The following ELOA2 variants were observed in gnomAD, a reference collection of about 807,000 sequenced individuals.
The protein encoded by ELOA2 is elongin-A2.
For missense variants in ELOA2, 1,271 were observed against 979.7 expected, an observed-to-expected ratio of 1.30 and a Z score of -3.97; for synonymous variants, 497 against 398.8, an observed-to-expected ratio of 1.25 and a Z score of -2.94.
rs904225605 is a variant in ELOA2, at chr18:47,032,824, T to C, written c.*179A>G. On this transcript the variant is annotated 3_prime_UTR_variant, in exon 1 of 1. Coordinates refer to ENST00000332567, the MANE Select transcript of ELOA2 (RefSeq NM_016427.3). ...AGGTGTTCTCCAAGCTGGGAGGTAGTGGCTGGGTGTGGGAGGCAAAATCAC... is the reference window on the plus strand; with the variant it reads ...AGGTGTTCTCCAAGCTGGGAGGTAGCGGCTGGGTGTGGGAGGCAAAATCAC... 8.7e-7 allele frequency: 1 copy of C among 1,154,594 alleles called. No individual in the cohort carries two copies. Among genetic ancestry groups the C allele is most frequent in the South Asian group, 1.6e-5 (1 of 64,202 alleles). 71.5% of individuals were successfully genotyped at this position (1,154,594 alleles called of 1,614,324 possible).
chr18:47,034,659 C>T lies in ELOA2; in HGVS notation c.606G>A (p.Gln202=). The change falls in exon 1 of 1, where the codon CAG becomes CAA. Residue 202 remains glutamine, a synonymous_variant. Transcript: ENST00000332567. ...QPGRGHTHAA[Q]GGPLLCPGCQ... is the part of the protein sequence containing the mutation. ...AGCCTGGACACAGCAGAGGCCCGCC[C>T]TGAGCCGCGTGAGTGTGGCCTCTTC... 1 of 1,613,768 alleles carries T rather than the reference C, an allele frequency of 6.2e-7. No individual in the cohort carries two copies. The highest frequency in any genetic ancestry group is 8.5e-7 in the Non-Finnish European group (1 of 1,179,948).
Position 47,034,944 on chromosome 18 carries a change from T to C in ELOA2, c.321A>G (p.Glu107=). The change falls in exon 1 of 1, where the codon GAA becomes GAG. Residue 107 remains glutamate (E), a synonymous_variant. Transcript: ENST00000332567. The stretch of plus-strand genomic sequence containing the variant: ...CGTTTTCTGGGAAGCCCCAGGCCTT[T>C]TCCTGGTCCTGAAGAGCCTCCCCGA... ...QRFGEALQDQ[E]KAWGFPENAT... is the part of the protein sequence containing the mutation. 6.2e-7 allele frequency: 1 copy of C among 1,611,828 alleles called. No homozygotes were observed. Among genetic ancestry groups the C allele is most frequent in the Non-Finnish European group, 8.5e-7 (1 of 1,179,756 alleles).
In ELOA2 at chr18:47,033,430, G is replaced by A. The variant is rs142997341; in HGVS notation, c.1835C>T (p.Pro612Leu). The A allele has an allele frequency of 1.9e-6, 3 of 1,614,046 alleles. No individual in the cohort carries two copies. Among genetic ancestry groups the A allele is most frequent in the South Asian group, 1.1e-5 (1 of 91,076 alleles). ...KTWREQYLRL[P>L]DAPEQRLRVM... ...TCTCAGCCGCTGCTCTGGGGCGTCC[G>A]GAAGCCGCAGGTACTGCTCCCTCCA... is the stretch of plus-strand genomic sequence containing the variant. Residue 612 changes from proline to leucine, a missense_variant, in exon 1 of 1, where the codon CCG (proline) becomes CTG (leucine). Transcript: ENST00000332567.
At chr18:47,033,843 G>C in the ELOA2 span, 1 of 1,614,126 alleles carries the variant, frequency 6.2e-7, no homozygotes, top group East Asian at 2.2e-5. Context: ...AAAGCGGATC[G>C]TAGTTGGCCT....
Position 47,032,959 on chromosome 18 carries a change from T to A in ELOA2, c.*44A>T. ...CCCCAACCCGCATTGACTTTGCCAATGCAAAAATCCCCCCAGATTTTATCT... is the reference window on the plus strand; with the variant it reads ...CCCCAACCCGCATTGACTTTGCCAAAGCAAAAATCCCCCCAGATTTTATCT... On this transcript the variant is annotated 3_prime_UTR_variant, in exon 1 of 1. Coordinates refer to ENST00000332567, the MANE Select transcript of ELOA2 (RefSeq NM_016427.3). The A allele has an allele frequency of 6.2e-7, 1 of 1,613,282 alleles. No homozygotes were observed. Among genetic ancestry groups the A allele is most frequent in the Non-Finnish European group, 8.5e-7 (1 of 1,179,928 alleles).
chr18:47,033,503 G>C lies in ELOA2; in HGVS notation c.1762C>G (p.His588Asp), dbSNP rs2060590911. 6.2e-7 allele frequency: 1 copy of C among 1,614,182 alleles called. No individual in the cohort carries two copies. The highest frequency in any genetic ancestry group is 1.6e-4 in the Middle Eastern group (1 of 6,062). Residue 588 changes from histidine (H) to aspartate (D), a missense_variant, in exon 1 of 1, where the codon CAT becomes GAT. By Grantham distance (81) the His-to-Asp change is moderately conservative. Coordinates refer to ENST00000332567, the MANE Select transcript of ELOA2 (RefSeq NM_016427.3). ...VRETDELRRN[H>D]CFQDFKEEKP... Reference sequence around the variant, plus strand: ...TCTTCCTTGAAGTCCTGGAAACAATGATTCCTCCGTAATTCGTCTGTCTCT... The same window carrying C: ...TCTTCCTTGAAGTCCTGGAAACAATCATTCCTCCGTAATTCGTCTGTCTCT...
rs963166141 is a variant in ELOA2 at position 47,034,973 on chromosome 18, G to A, written c.292C>T (p.Arg98Cys). ...QDPEESASRQ[R>C]FGEALQDQEK... is the part of the protein sequence containing the mutation. ...TGGTCCTGAAGAGCCTCCCCGAAGC[G>A]CTGTCGGGAAGCGCTCTCCTCAGGG... Residue 98 changes from arginine to cysteine, a missense_variant, in exon 1 of 1, where the codon CGC (arginine) becomes TGC (cysteine). Coordinates refer to ENST00000332567, the MANE Select transcript of ELOA2 (RefSeq NM_016427.3). 1.2e-6 allele frequency: 2 copies of A among 1,611,690 alleles called. No individual in the cohort carries two copies. The highest frequency in any genetic ancestry group is 1.7e-6 in the Non-Finnish European group (2 of 1,179,620).
rs1214237174 is a variant in ELOA2, at chr18:47,032,934, C to T, written c.*69G>A. On this transcript the variant is annotated 3_prime_UTR_variant, in exon 1 of 1. Coordinates refer to ENST00000332567, the MANE Select transcript of ELOA2 (RefSeq NM_016427.3). ...TCTGGTGTCCATTGGAAGTTTCGTT[C>T]CCCAACCCGCATTGACTTTGCCAAT... The T allele has an allele frequency of 7.4e-6, 12 of 1,611,020 alleles. No individual in the cohort carries two copies. Among genetic ancestry groups the T allele is most frequent in the South Asian group, 1.1e-5 (1 of 90,950 alleles).
Position 47,034,701 on chromosome 18 carries a change from C to A in ELOA2, c.564G>T (p.Ala188=). The change falls in exon 1 of 1, where the codon GCG becomes GCT. Residue 188 remains alanine (A), a synonymous_variant. Transcript: ENST00000332567. ...LRMPEGPEPA[A]PGKQPGRGHT... ...GGCCTCTTCCGGGTTGCTTCCCGGG[C>A]GCAGCGGGCTCAGGGCCCTCGGGCA... The A allele has an allele frequency of 1.2e-6, 2 of 1,612,970 alleles. No individual in the cohort carries two copies. Among genetic ancestry groups the A allele is most frequent in the South Asian group, 1.1e-5 (1 of 91,020 alleles).
Position 47,032,857 on chromosome 18 carries a change from G to C in ELOA2, c.*146C>G, listed in dbSNP as rs1210438656. 1.3e-6 allele frequency: 2 copies of C among 1,500,402 alleles called. No homozygotes were observed. The highest frequency in any genetic ancestry group is 1.4e-5 in the African/African-American group (1 of 72,502). 92.9% of individuals were successfully genotyped at this position (1,500,402 alleles called of 1,614,324 possible). ...TGTGGGAGGCAAAATCACAGGGCCA[G>C]CACATGACACCTGCAGAATTCAAAG... On this transcript the variant is annotated 3_prime_UTR_variant, in exon 1 of 1. Coordinates refer to ENST00000332567, the MANE Select transcript of ELOA2 (RefSeq NM_016427.3).
rs1195999242 is a variant in ELOA2, at chr18:47,035,053, G to A, written c.212C>T (p.Ala71Val). 1 of 1,611,850 alleles carries A rather than the reference G, an allele frequency of 6.2e-7. No individual in the cohort carries two copies. The change falls in exon 1 of 1, where the codon GCC becomes GTC. Residue 71 changes from alanine to valine, a missense_variant. Ala to Val is a moderately conservative substitution (Grantham distance 64, BLOSUM62 0). Transcript: ENST00000332567. The stretch of plus-strand genomic sequence containing the variant: ...CACGAGCACCAGCTTCTTCCACCGG[G>A]CCGCTAAGTCTCTGGCAAAGTCGCC... ...HVGDFARDLA[A>V]RWKKLVLVDR...
rs1413722727 is a variant in ELOA2 at position 47,033,491 on chromosome 18, C to G, written c.1774G>C (p.Asp592His). ...TCCTGTGGCTTTTCTTCCTTGAAGT[C>G]CTGGAAACAATGATTCCTCCGTAAT... ...DELRRNHCFQ[D>H]FKEEKPQENK... The change falls in exon 1 of 1, where the codon GAC (aspartate) becomes CAC (histidine). Residue 592 changes from aspartate (D) to histidine (H), a missense_variant. Asp to His is a moderately conservative substitution (Grantham distance 81). Coordinates refer to ENST00000332567, the MANE Select transcript of ELOA2 (RefSeq NM_016427.3). The G allele has an allele frequency of 6.2e-7, 1 of 1,614,038 alleles. No individual in the cohort carries two copies. The highest frequency in any genetic ancestry group is 8.5e-7 in the Non-Finnish European group (1 of 1,180,032).
At position 47,032,766 on chromosome 18, in the gene ELOA2, T is replaced by C. The variant is rs952618114; in HGVS notation, c.*237A>G. On this transcript the variant is annotated 3_prime_UTR_variant, in exon 1 of 1. Coordinates refer to ENST00000332567, the MANE Select transcript of ELOA2 (RefSeq NM_016427.3). ...TATCAGTGAACATCCAAAATAGAAT[T>C]GTTCCCAATGCGTTCATATCTTCTG... is the stretch of plus-strand genomic sequence containing the variant. 1 of 674,528 alleles carries C rather than the reference T, an allele frequency of 1.5e-6. No individual in the cohort carries two copies. Among genetic ancestry groups the C allele is most frequent in the East Asian group, 2.8e-5 (1 of 35,858 alleles). 41.8% of individuals were successfully genotyped at this position (674,528 alleles called of 1,614,324 possible). A position where few individuals can be genotyped will look rare whatever the true frequency, so the allele number is the denominator to read the frequency against.
chr18:47,035,013 C>A lies in ELOA2; in HGVS notation c.252G>T (p.Arg84=), dbSNP rs770516588. The A allele has an allele frequency of 5.0e-6, 8 of 1,611,574 alleles. No individual in the cohort carries two copies. The highest frequency in any genetic ancestry group is 5.9e-6 in the Non-Finnish European group (7 of 1,179,516). The change falls in exon 1 of 1, where the codon CGG becomes CGT. Residue 84 remains arginine (R), a synonymous_variant. Transcript: ENST00000332567. The part of the protein sequence containing the change: ...KKLVLVDRNT[R]PGPQDPEESA... ...TCTCCTCAGGGTCCTGTGGGCCAGG[C>A]CGGGTGTTTCGGTCCACGAGCACCA...
At position 47,034,234 on chromosome 18, in the gene ELOA2, C is replaced by G; in HGVS notation, c.1031G>C (p.Arg344Pro). Residue 344 changes from arginine to proline, a missense_variant, in exon 1 of 1, where the codon CGA becomes CCA. Transcript: ENST00000332567. ...PEEKEQLSND[R>P]ETQEGKPPTA... Reference sequence around the variant, plus strand: ...CGGTGGCTTCCCCTCTTGAGTCTCTCGGTCGTTGGAAAGCTGCTCTTTCTC... The same window carrying G: ...CGGTGGCTTCCCCTCTTGAGTCTCTGGGTCGTTGGAAAGCTGCTCTTTCTC... 4 of 1,613,922 alleles carry G rather than the reference C, an allele frequency of 2.5e-6. No individual in the cohort carries two copies. Among genetic ancestry groups the G allele is most frequent in the East Asian group, 4.5e-5 (2 of 44,862 alleles).
chr18:47,034,577 A>T lies in ELOA2; in HGVS notation c.688T>A (p.Ser230Thr). The change falls in exon 1 of 1, where the codon TCT becomes ACT. Residue 230 changes from serine (S) to threonine (T), a missense_variant. Transcript: ENST00000332567. ...CACAAGGGGCGTTTTTCCTGGCGAGACGATTTGTGCCCCTTGCTGTGGCTC... is the reference window on the plus strand; with the variant it reads ...CACAAGGGGCGTTTTTCCTGGCGAGTCGATTTGTGCCCCTTGCTGTGGCTC... ...VVSHSKGHKSSRQEKRPLCAQ... is the reference protein window; with the variant it reads ...VVSHSKGHKSTRQEKRPLCAQ... 1 of 1,614,132 alleles carries T rather than the reference A, an allele frequency of 6.2e-7. No individual in the cohort carries two copies. Among genetic ancestry groups the T allele is most frequent in the South Asian group, 1.1e-5 (1 of 91,080 alleles).
In ELOA2 at chr18:47,033,976, A is replaced by G. The variant is rs780530535; in HGVS notation, c.1289T>C (p.Leu430Ser). ...TRESWDSAKKLPPVQESQSER... is the reference protein window; with the variant it reads ...TRESWDSAKKSPPVQESQSER... ...TGACTGGCTTTCCTGGACAGGAGGC[A>G]ATTTCTTAGCCGAATCCCAGGACTC... Residue 430 changes from leucine (L) to serine (S), a missense_variant, in exon 1 of 1, where the codon TTG (leucine) becomes TCG (serine). Leu to Ser is a moderately radical substitution (Grantham distance 145). Coordinates refer to ENST00000332567, the MANE Select transcript of ELOA2 (RefSeq NM_016427.3). 3 of 1,613,412 alleles carry G rather than the reference A, an allele frequency of 1.9e-6. No individual in the cohort carries two copies. Among genetic ancestry groups the G allele is most frequent in the South Asian group, 1.1e-5 (1 of 91,030 alleles).
chr18:47,033,837 C>T lies in ELOA2; in HGVS notation c.1428G>A (p.Pro476=), dbSNP rs767997205. 9.9e-6 allele frequency: 16 copies of T among 1,614,124 alleles called. No homozygotes were observed. The East Asian group carries it at 2.7e-4, about 27-fold the overall frequency. The change falls in exon 1 of 1, where the codon CCG becomes CCA. Residue 476 remains proline (P), a synonymous_variant. Transcript: ENST00000332567. ...AGGTCATGGAGTCAGAATCCGAAAG[C>T]GGATCGTAGTTGGCCTGCATCCAGG... ...SEAWMQANYD[P]LSDSDSMTSQ...
In ELOA2 at chr18:47,035,178, T is replaced by G. The variant is rs752689604; in HGVS notation, c.87A>C (p.Lys29Asn). 3 of 1,612,168 alleles carry G rather than the reference T, an allele frequency of 1.9e-6. No homozygotes were observed. The highest frequency in any genetic ancestry group is 3.3e-5 in the Admixed American group (2 of 60,004). Reference protein sequence around the residue: ...ATKTEPKKLEKYLQKLSALPM... With the variant: ...ATKTEPKKLENYLQKLSALPM... Reference sequence around the variant, plus strand: ...GCAAGGCGGAGAGTTTCTGCAAATATTTCTCTAGCTTTTTCGGCTCCGTCT... The same window carrying G: ...GCAAGGCGGAGAGTTTCTGCAAATAGTTCTCTAGCTTTTTCGGCTCCGTCT... The change falls in exon 1 of 1, where the codon AAA becomes AAC. Residue 29 changes from lysine (K) to asparagine (N), a missense_variant. By Grantham distance (94) the Lys-to-Asn change is moderately conservative. Coordinates refer to ENST00000332567, the MANE Select transcript of ELOA2 (RefSeq NM_016427.3).
Sources: gnomAD v4.1 joint callset for allele counts on GRCh38, gnomAD v4.1.1 for gene constraint, MANE v1.5 for transcripts, NCBI Gene and HGNC (gene_info 2026-07-23, HGNC 2026-07-21) for gene names.